Variants in TMEM117 observed in about 807,000 individuals in gnomAD.
The protein encoded by TMEM117 is transmembrane protein 117.
A neutral mutation model predicts 52.4 loss-of-function variants in TMEM117; 27 were observed. That is an observed-to-expected ratio of 0.51 (90% confidence interval 0.38 to 0.71). TMEM117 has a LOEUF of 0.71. Among genes scored for constraint, TMEM117 ranks in the 30% least tolerant of loss-of-function variants. The pLI is 0.00. For synonymous variants in TMEM117, 215 were observed against 206.3 expected (o/e 1.04, Z -0.36); for missense variants, 556 against 630.5 (o/e 0.88, Z 1.26).
At chr12:44,217,826 G>C (rs1049887311) in intron 5 of TMEM117, among the ~76,000 whole-genome samples, 4 of 152,214 alleles carry the variant, frequency 2.6e-5, no homozygotes, top group Non-Finnish European at 4.4e-5. Flanking sequence ...TTATATATTT[G>C]TTCATATTGA....
chr12:43,893,238 T>A lies in TMEM117; in HGVS notation c.277+48310T>A, dbSNP rs548904703. Among the ~76,000 whole-genome samples the A allele has an allele frequency of 1.3e-4, 20 of 152,312 alleles. 1 individual carries two copies. In the South Asian group the frequency reaches 4.1e-3, roughly 32 times the overall value. ...TTATATTTTTAATTGATTATATTAG[T>A]TGCTGTGTCAAAAACGAACTGTAAG... On this transcript the variant is annotated intron_variant, in intron 2 of 7. Coordinates refer to ENST00000266534, the MANE Select transcript of TMEM117 (RefSeq NM_032256.3).
chr12:44,360,497 G>A (rs536611714), intron 6 of TMEM117, among the ~76,000 whole-genome samples: 3 of 151,762 alleles, frequency 2.0e-5, no homozygotes, highest in Admixed American at 2.0e-4. Flanking sequence ...AACTCCAGGG[G>A]TGAAGGTTGC....
intron 4 of TMEM117, among the ~76,000 whole-genome samples, chr12:44,191,506 G>T (rs535176001): frequency 2.6e-5 from 4 of 152,136 alleles, no homozygotes; most frequent in Non-Finnish European, 5.9e-5. Context: ...GTCTCAATAA[G>T]TTTTGAATAA....
intron 3 of TMEM117, among the ~76,000 whole-genome samples, chr12:44,030,135 CTT>C (rs1428028926): frequency 1.3e-5 from 2 of 152,048 alleles, no homozygotes; most frequent in Admixed American, 6.6e-5. Context: ...GTTCATGTGA[CTT>C]AAGTAATCTT....
chr12:43,837,469 C>G (rs766395258), intron 1 of TMEM117, among the ~76,000 whole-genome samples: 29 of 152,112 alleles, frequency 1.9e-4, no homozygotes, highest in Non-Finnish European at 3.1e-4. Flanking sequence ...GCCTCGGCCT[C>G]CTGAGTAGCT....
chr12:44,276,457 AAG>A (rs1468629755), intron 5 of TMEM117, among the ~76,000 whole-genome samples: 1 of 152,118 alleles, frequency 6.6e-6, no homozygotes, highest in Non-Finnish European at 1.5e-5. Context: ...CTCATAGAAA[AAG>A]AGAATAAAAT....
At chr12:44,185,161 C>G (rs1189626197) in intron 4 of TMEM117, among the ~76,000 whole-genome samples, 1 of 152,120 alleles carries the variant, frequency 6.6e-6, no homozygotes, top group Non-Finnish European at 1.5e-5. Context: ...TCCCCTTCAG[C>G]CTTAAATGCC....
chr12:44,301,170 A>G (rs991398573), intron 6 of TMEM117, among the ~76,000 whole-genome samples: 1 of 152,186 alleles, frequency 6.6e-6, no homozygotes, highest in African/African-American at 2.4e-5. Flanking sequence ...TTGATTGTCC[A>G]TTACCATCCT....
intron 3 of TMEM117, among the ~76,000 whole-genome samples, chr12:44,067,140 T>G (rs1214351700): frequency 1.3e-5 from 2 of 152,200 alleles, no homozygotes; most frequent in Non-Finnish European, 2.9e-5. Flanking sequence ...AGTCACCTCT[T>G]CAGGCTCTAC....
At chr12:44,114,216 C>T (rs1592528488) in intron 3 of TMEM117, among the ~76,000 whole-genome samples, 2 of 152,100 alleles carry the variant, frequency 1.3e-5, no homozygotes, top group Non-Finnish European at 2.9e-5. Context: ...TCCTATTCGG[C>T]CATCTTGGCT....
intron 5 of TMEM117, among the ~76,000 whole-genome samples, chr12:44,230,991 G>A (rs1236257412): frequency 2.0e-5 from 3 of 151,818 alleles, no homozygotes; most frequent in Non-Finnish European, 4.4e-5. Context: ...TAAACACAAT[G>A]TACTATATAA....
At chr12:43,859,354 G>A (rs546954869) in intron 2 of TMEM117, among the ~76,000 whole-genome samples, 27 of 152,270 alleles carry the variant, frequency 1.8e-4, no homozygotes, top group African/African-American at 6.3e-4. Context: ...GGGTAGACTG[G>A]CAGCAGGAAA....
chr12:43,921,198 C>T (rs1334307647), intron 2 of TMEM117, among the ~76,000 whole-genome samples: 1 of 152,136 alleles, frequency 6.6e-6, no homozygotes, highest in Non-Finnish European at 1.5e-5. Context: ...TATCTATCTA[C>T]CCACCCGTCT....
chr12:44,286,429 T>C (rs1399642348), intron 5 of TMEM117, among the ~76,000 whole-genome samples: 1 of 152,056 alleles, frequency 6.6e-6, no homozygotes, highest in Non-Finnish European at 1.5e-5. Context: ...TAGGTAATTC[T>C]GCACATTTTT....
chr12:44,362,920 T>C (rs886618815), intron 6 of TMEM117, among the ~76,000 whole-genome samples: 2 of 151,880 alleles, frequency 1.3e-5, no homozygotes, highest in Non-Finnish European at 2.9e-5. Flanking sequence ...CGGTGCGATC[T>C]CGGCTCACTA....
intron 3 of TMEM117, among the ~76,000 whole-genome samples, chr12:44,021,645 C>G (rs1946457494): frequency 1.3e-5 from 2 of 152,232 alleles, no homozygotes; most frequent in Admixed American, 1.3e-4. Flanking sequence ...CACCCAGCAT[C>G]TGCTAACCAC....
At chr12:43,796,329 G>T in the TMEM117 span, among the ~76,000 whole-genome samples, 1 of 152,132 alleles carries the variant, frequency 6.6e-6, no homozygotes, top group Non-Finnish European at 1.5e-5. Context: ...AACTTAAAAA[G>T]CATGAAGGGT....
chr12:44,000,429 C>CT (rs1565787007), intron 3 of TMEM117, among the ~76,000 whole-genome samples: 1 of 152,186 alleles, frequency 6.6e-6, no homozygotes, highest in Non-Finnish European at 1.5e-5. Flanking sequence ...TCAGGACTTG[C>CT]TCCTCAGACT....
intron 3 of TMEM117, among the ~76,000 whole-genome samples, chr12:43,991,287 A>AG (rs368211624): frequency 1.6e-4 from 24 of 152,138 alleles, no homozygotes; most frequent in South Asian, 4.1e-4. Context: ...TCTGAGAAAA[A>AG]CTTCCACACA....
Sources: allele counts gnomAD v4.1 joint callset (sites outside exome capture counted in the v4.1 genomes callset), GRCh38; gene constraint gnomAD v4.1.1; transcripts MANE v1.5; gene names NCBI Gene and HGNC (gene_info 2026-07-23, HGNC 2026-07-21).